ADAM22: variants seen among roughly 807,000 people sequenced by gnomAD.
ADAM22 encodes ADAM metallopeptidase domain 22.
A neutral mutation model predicts 144.6 loss-of-function variants in ADAM22; 65 were observed. The ratio of observed to expected loss-of-function variants is 0.45; its 90% CI spans 0.37 to 0.55. ADAM22 has a LOEUF of 0.55. Ranked by LOEUF, ADAM22 falls within the 20% of genes least tolerant of loss-of-function variation. ADAM22 has a pLI of 0.00. For synonymous variants in ADAM22, 391 were observed against 412.6 expected (o/e 0.95, Z 0.63); for missense variants, 974 against 1,184.9 (o/e 0.82, Z 2.61).
chr7:88,009,008 T>G (rs1794710651), intron 3 of ADAM22, among the ~76,000 whole-genome samples: 1 of 152,166 alleles, frequency 6.6e-6, no homozygotes, highest in African/African-American at 2.4e-5. Context: ...CAAATTTATT[T>G]TCAATTATTG....
At chr7:88,189,948 A>G (rs1438091648) in intron 30 of ADAM22, among the ~76,000 whole-genome samples, 1 of 152,102 alleles carries the variant, frequency 6.6e-6, no homozygotes, top group African/African-American at 2.4e-5. Context: ...GTCTCAAAAA[A>G]ATAAATAAAA....
intron 3 of ADAM22, among the ~76,000 whole-genome samples, chr7:88,025,923 A>C (rs189365990): frequency 6.6e-6 from 1 of 152,298 alleles, no homozygotes; most frequent in East Asian, 1.9e-4. Flanking sequence ...GGTATTTAGT[A>C]AGGATTGCAT....
At chr7:88,109,435 C>T (rs545618423) in intron 5 of ADAM22, among the ~76,000 whole-genome samples, 48 of 152,264 alleles carry the variant, frequency 3.2e-4, no homozygotes, top group African/African-American at 1.1e-3. Context: ...TTAACTAAAT[C>T]GTTTCATTTC....
chr7:88,148,864 C>T (rs1837405543), intron 17 of ADAM22, 113 bp from the exon 18 acceptor site: 1 of 725,806 alleles, frequency 1.4e-6, no homozygotes, highest in Non-Finnish European at 2.2e-6. Context: ...TACCATCTTA[C>T]AGTAGTTTAA....
In ADAM22 at chr7:87,990,096, T is replaced by C. The variant is rs1227894456; in HGVS notation, c.323+11684T>C. ...CATCTATCCATCCATCAAGTGTATA[T>C]AGAGTACACTTGATGTACTCTATAT... On this transcript the variant is annotated intron_variant, in intron 3 of 31. Transcript: ENST00000413139. 3.9e-5 allele frequency among the ~76,000 whole-genome samples: 6 copies of C among 152,132 alleles called. No homozygotes were observed. The East Asian group carries it at 1.2e-3, about 29-fold the overall frequency.
chr7:88,190,328 A>C (rs1849337425), intron 30 of ADAM22, among the ~76,000 whole-genome samples: 1 of 152,046 alleles, frequency 6.6e-6, no homozygotes, highest in African/African-American at 2.4e-5. Flanking sequence ...TGAGGTCAGG[A>C]GTTTGAGACC....
chr7:88,038,039 T>C (rs982996042), intron 3 of ADAM22, among the ~76,000 whole-genome samples: 1 of 152,196 alleles, frequency 6.6e-6, no homozygotes, highest in African/African-American at 2.4e-5. Flanking sequence ...TCAGGAGTTA[T>C]GAGCTACTTG....
chr7:88,117,762 C>T (rs1162258741), intron 7 of ADAM22, among the ~76,000 whole-genome samples: 1 of 150,808 alleles, frequency 6.6e-6, no homozygotes, highest in Non-Finnish European at 1.5e-5. Context: ...GACGCGACCT[C>T]AGCTCACTGC....
intron 4 of ADAM22, among the ~76,000 whole-genome samples, chr7:88,089,209 A>G (rs185206361): frequency 1.3e-5 from 2 of 152,124 alleles, no homozygotes; most frequent in Non-Finnish European, 2.9e-5. Context: ...CTGCATTACC[A>G]TACAGAATCT....
chr7:88,168,025 C>A (rs2129532007), intron 24 of ADAM22, 112 bp from the exon 25 acceptor site: 2 of 803,518 alleles, frequency 2.5e-6, no homozygotes, highest in East Asian at 2.7e-5. Context: ...GAAAAATACT[C>A]ATTTTTGAAA....
chr7:88,071,415 G>A lies in ADAM22; in HGVS notation c.324-4211G>A, dbSNP rs1173087211. Among the ~76,000 whole-genome samples, 184 of 99,074 alleles carry A rather than the reference G, an allele frequency of 1.9e-3. 1 individual carries two copies. Among genetic ancestry groups the A allele is most frequent in the Admixed American group, 5.6e-3 (48 of 8,578 alleles). 65.0% of individuals were successfully genotyped at this position (99,074 alleles called of 152,430 possible). On this transcript the variant is annotated intron_variant, in intron 3 of 31. Transcript: ENST00000413139. ...GATTTTTTTTTTTTTTTTTTTTTTAGTGTCTCCATTTTAAACAGAAGCAAA... is the reference window on the plus strand; with the variant it reads ...GATTTTTTTTTTTTTTTTTTTTTTAATGTCTCCATTTTAAACAGAAGCAAA...
At chr7:88,013,339 G>T (rs1795869284) in intron 3 of ADAM22, among the ~76,000 whole-genome samples, 1 of 152,130 alleles carries the variant, frequency 6.6e-6, no homozygotes, top group African/African-American at 2.4e-5. Flanking sequence ...GAAAATGAGG[G>T]TAATGACTTC....
intron 2 of ADAM22, among the ~76,000 whole-genome samples, chr7:87,941,608 C>T (rs1842493099): frequency 6.6e-6 from 1 of 152,008 alleles, no homozygotes; most frequent in Admixed American, 6.5e-5. Context: ...AGACATTTCA[C>T]AATGAATTTT....
chr7:88,075,878 ATTT>A (rs1482162640), intron 4 of ADAM22, among the ~76,000 whole-genome samples, 186 bp downstream of exon 4: 2 of 152,176 alleles, frequency 1.3e-5, no homozygotes, highest in African/African-American at 2.4e-5. Context: ...CAGAAAAAGA[ATTT>A]TTAGGGTACT....
intron 3 of ADAM22, among the ~76,000 whole-genome samples, chr7:88,036,507 G>A (rs1361690598): frequency 6.6e-6 from 1 of 151,938 alleles, no homozygotes; most frequent in East Asian, 1.9e-4. Context: ...GTAATGTTTG[G>A]CAATCATTAA....
rs1315958580 is a variant in ADAM22, at chr7:88,200,101, G to A, written c.*3610G>A. On this transcript the variant is annotated 3_prime_UTR_variant, in exon 32 of 32. Coordinates refer to ENST00000413139, the MANE Select transcript of ADAM22 (RefSeq NM_001324418.2). ...TACCTGTTACCTTTTTTGGGATTTT[G>A]TTCTTTATGTTTTACAGTTACCTTC... 2 of 152,026 alleles carry A rather than the reference G, an allele frequency of 1.3e-5. No individual in the cohort carries two copies. The highest frequency in any genetic ancestry group is 2.4e-5 in the African/African-American group (1 of 41,386). The allele number at this position is 152,026 out of a possible 1,614,324, so 9.4% of individuals were successfully genotyped here.
chr7:88,110,277 G>C (rs1233486795), intron 5 of ADAM22, among the ~76,000 whole-genome samples: 1 of 152,074 alleles, frequency 6.6e-6, no homozygotes, highest in Non-Finnish European at 1.5e-5. Flanking sequence ...TGTCACCTAG[G>C]AATAGTACAG....
chr7:88,164,449 T>C (rs1416990496), intron 23 of ADAM22, among the ~76,000 whole-genome samples: 1 of 152,092 alleles, frequency 6.6e-6, no homozygotes, highest in Non-Finnish European at 1.5e-5. Context: ...AATTTTAACT[T>C]ACAGCAACTC....
chr7:88,051,389 A>C (rs1349284924), intron 3 of ADAM22, among the ~76,000 whole-genome samples: 1 of 152,214 alleles, frequency 6.6e-6, no homozygotes, highest in Admixed American at 6.5e-5. Context: ...TGATGAGTTC[A>C]TGTCATTTGT....
Sources: allele counts gnomAD v4.1 joint callset (sites outside exome capture counted in the v4.1 genomes callset), GRCh38; gene constraint gnomAD v4.1.1; transcripts MANE v1.5; gene names NCBI Gene and HGNC (gene_info 2026-07-23, HGNC 2026-07-21).